AAGAB: variants seen among roughly 807,000 people sequenced by gnomAD.
The protein encoded by AAGAB is alpha and gamma adaptin binding protein.
Under a neutral mutation model 44.1 loss-of-function variants are expected in AAGAB, and 38 were observed. The ratio of observed to expected loss-of-function variants is 0.86; its 90% CI spans 0.67 to 1.13. The LOEUF (loss-of-function observed/expected upper bound fraction) is 1.13, where lower values mean the gene tolerates loss of function less well. Ranked by LOEUF, AAGAB falls within the 50% of genes most tolerant of loss-of-function variation. The pLI, the probability that AAGAB is intolerant of heterozygous loss-of-function variation, is 0.00. For synonymous variants in AAGAB, 131 were observed against 131.8 expected (o/e 0.99, Z 0.04); for missense variants, 450 against 373.8 (o/e 1.20, Z -1.68).
At chr15:67,225,186 G>A (rs1164013789) in intron 5 of AAGAB, among the ~76,000 whole-genome samples, 1 of 152,178 alleles carries the variant, frequency 6.6e-6, no homozygotes, top group Non-Finnish European at 1.5e-5. Flanking sequence ...ACACGTTTGA[G>A]AACTGATGAG....
intron 1 of AAGAB, among the ~76,000 whole-genome samples, chr15:67,251,524 G>A (rs1964873065): frequency 6.6e-6 from 1 of 152,106 alleles, no homozygotes; most frequent in African/African-American, 2.4e-5. Context: ...CCACAGTGTT[G>A]GAATTCCAAG....
rs755609670 is a variant in AAGAB, at chr15:67,202,874, T to C, written c.895A>G (p.Ile299Val). 90 of 1,613,988 alleles carry C rather than the reference T, an allele frequency of 5.6e-5. 1 individual carries two copies. The East Asian group carries it at 1.7e-3, about 31-fold the overall frequency. ...EKVAKAFWMAIGGDRDEIEGL... is the reference protein window; with the variant it reads ...EKVAKAFWMAVGGDRDEIEGL... ...TCAATTTCATCTCTGTCTCCCCCGA[T>C]TGCCATCCAGAATGCTTTGGCCACC... The change falls in exon 10 of 10, where the codon ATC becomes GTC. Residue 299 changes from isoleucine to valine, a missense_variant. Ile to Val is a conservative substitution (Grantham distance 29). Coordinates refer to ENST00000261880, the MANE Select transcript of AAGAB (RefSeq NM_024666.5).
chr15:67,215,686 C>T (rs1220805972), intron 5 of AAGAB, among the ~76,000 whole-genome samples: 1 of 152,134 alleles, frequency 6.6e-6, no homozygotes, highest in Non-Finnish European at 1.5e-5. Flanking sequence ...GAATGATATT[C>T]TTAAATCAAA....
chr15:67,250,881 C>T (rs1287566324), intron 1 of AAGAB, among the ~76,000 whole-genome samples: 5 of 151,974 alleles, frequency 3.3e-5, no homozygotes, highest in Non-Finnish European at 7.4e-5. Context: ...CAAAAAATTA[C>T]CCGAGCTTGG....
At chr15:67,250,647 G>T (rs1227324937) in intron 1 of AAGAB, among the ~76,000 whole-genome samples, 2 of 152,214 alleles carry the variant, frequency 1.3e-5, no homozygotes, top group Non-Finnish European at 2.9e-5. Flanking sequence ...GAGGTGGAAA[G>T]AGCTCTGGCC....
At chr15:67,209,921 C>T (rs898131624) in intron 5 of AAGAB, among the ~76,000 whole-genome samples, 5 of 152,128 alleles carry the variant, frequency 3.3e-5, no homozygotes, top group Non-Finnish European at 7.3e-5. Flanking sequence ...CTGAATCAGC[C>T]CCCGAAACTG....
chr15:67,206,568 T>C (rs1243398582), intron 7 of AAGAB, among the ~76,000 whole-genome samples: 1 of 152,222 alleles, frequency 6.6e-6, no homozygotes, highest in Admixed American at 6.5e-5. Context: ...GGAGATGCTG[T>C]CCTTTCTTTC....
chr15:67,213,424 C>T (rs181900395), intron 5 of AAGAB, among the ~76,000 whole-genome samples: 41 of 152,172 alleles, frequency 2.7e-4, no homozygotes, highest in South Asian at 1.2e-3. Context: ...AATCTGAGGG[C>T]ACACTTAACT....
chr15:67,224,480 A>G (rs577336080), intron 5 of AAGAB, among the ~76,000 whole-genome samples: 3 of 152,346 alleles, frequency 2.0e-5, no homozygotes, highest in Admixed American at 1.3e-4. Flanking sequence ...AGTTATGAGA[A>G]GGAACGTCCA....
At chr15:67,226,849 T>C (rs2140366925) in intron 5 of AAGAB, 1 of 196,636 alleles carries the variant, frequency 5.1e-6, no homozygotes, top group African/African-American at 2.4e-5. Context: ...ATCCAATTTA[T>C]CTGGGTGGAG....
chr15:67,246,664 ACT>A (rs1392023320), intron 1 of AAGAB, among the ~76,000 whole-genome samples: 3 of 151,166 alleles, frequency 2.0e-5, no homozygotes, highest in African/African-American at 7.3e-5. Flanking sequence ...ACCAATCAGC[ACT>A]CTGTGTCTAG....
At chr15:67,240,363 G>C (rs753858390) in intron 1 of AAGAB, among the ~76,000 whole-genome samples, 5 of 152,080 alleles carry the variant, frequency 3.3e-5, no homozygotes, top group Non-Finnish European at 5.9e-5. Context: ...ACTCCGATAT[G>C]CACAAAGAAA....
At position 67,236,635 on chromosome 15, in the gene AAGAB, T is replaced by C. The variant is rs764359056; in HGVS notation, c.259A>G (p.Thr87Ala). ...VQAFVVYFDSTQKSGLDSVSS... is the reference protein window; with the variant it reads ...VQAFVVYFDSAQKSGLDSVSS... ...CATAGAAAACAAAGTCTTACTTGTG[T>C]GCTGTCAAAGTAAACCACAAATGCT... Residue 87 changes from threonine (T) to alanine (A), a missense_variant, in exon 2 of 10, where the codon ACA becomes GCA. Transcript: ENST00000261880. 5 of 1,612,820 alleles carry C rather than the reference T, an allele frequency of 3.1e-6. No individual in the cohort carries two copies. Among genetic ancestry groups the C allele is most frequent in the Non-Finnish European group, 4.2e-6 (5 of 1,179,608 alleles).
rs562052604 is a variant in AAGAB, at chr15:67,225,971, A to C, written c.535+5843T>G. ...AACTCTCTAAAGTGGCTGCAGCACC[A>C]TTTTATATTCCCACCATCAGTGCAC... On this transcript the variant is annotated intron_variant, in intron 5 of 9. Transcript: ENST00000261880. Among the ~76,000 whole-genome samples the C allele has an allele frequency of 7.0e-4, 107 of 152,280 alleles. 1 individual carries two copies. Among genetic ancestry groups the C allele is most frequent in the Admixed American group, 1.2e-3 (19 of 15,298 alleles).
At chr15:67,208,729 A>C in intron 6 of AAGAB, 71 bp from the exon 7 acceptor site, 8 of 1,359,218 alleles carry the variant, frequency 5.9e-6, no homozygotes, top group South Asian at 1.2e-5. Context: ...AAAAAAGCTC[A>C]CACTTTCAGT....
intron 5 of AAGAB, among the ~76,000 whole-genome samples, chr15:67,222,733 T>C (rs1336691985): frequency 6.6e-6 from 1 of 152,148 alleles, no homozygotes; most frequent in Non-Finnish European, 1.5e-5. Flanking sequence ...TTTTTCACCC[T>C]CTATTGGAAC....
intron 3 of AAGAB, 117 bp from the exon 4 acceptor site, chr15:67,236,185 G>T: frequency 2.3e-6 from 2 of 888,302 alleles, no homozygotes; most frequent in Non-Finnish European, 3.5e-6. Context: ...TATTCTAAAG[G>T]CATCTAAAAT....
intron 1 of AAGAB, 75 bp downstream of exon 1, chr15:67,254,483 GA>G (rs1315769372): frequency 1.3e-6 from 2 of 1,513,194 alleles, no homozygotes; most frequent in East Asian, 4.9e-5. Context: ...AAGGCCCAGA[GA>G]GGCCGTGGTG....
chr15:67,254,312 C>A lies in AAGAB; in HGVS notation c.73+247G>T, dbSNP rs140586320. ...GCAAAAACCTGTGGCCTGGGCTGAG[C>A]AGAGCGGGAAATCAGTCTCACTTTA... On this transcript the variant is annotated intron_variant, in intron 1 of 9. Transcript: ENST00000261880. The A allele has an allele frequency of 6.4e-6, 7 of 1,091,052 alleles. No homozygotes were observed. The African/African-American group carries it at 1.1e-4, about 17-fold the overall frequency. The allele number at this position is 1,091,052 out of a possible 1,614,324, so 67.6% of individuals were successfully genotyped here.
Sources: gnomAD v4.1 joint callset for allele counts (sites outside exome capture counted in the v4.1 genomes callset) on GRCh38, gnomAD v4.1.1 for gene constraint, MANE v1.5 for transcripts, NCBI Gene and HGNC (gene_info 2026-07-23, HGNC 2026-07-21) for gene names.